The following SLC39A8 variants were observed in gnomAD, a reference collection of about 807,000 sequenced individuals.
The protein encoded by SLC39A8 is metal cation symporter ZIP8.
SLC39A8 carries 15 observed loss-of-function variants against 40.4 expected under a neutral mutation model. The ratio of observed to expected loss-of-function variants is 0.37; its 90% CI spans 0.25 to 0.57. The LOEUF is 0.57. SLC39A8 is among the 20% of genes least tolerant of loss of function. The pLI is 0.75. For synonymous variants in SLC39A8, 223 were observed against 221.6 expected, an observed-to-expected ratio of 1.01 and a Z score of -0.06; for missense variants, 472 against 558.8, an observed-to-expected ratio of 0.84 and a Z score of 1.57.
intron 6 of SLC39A8, among the ~76,000 whole-genome samples, chr4:102,273,686 A>T (rs1234345770): frequency 6.6e-6 from 1 of 152,180 alleles, no homozygotes; most frequent in Non-Finnish European, 1.5e-5. Context: ...CAGACACTTC[A>T]TACAGAAGGG....
At chr4:102,272,176 A>G (rs1732391480) in intron 6 of SLC39A8, among the ~76,000 whole-genome samples, 1 of 152,044 alleles carries the variant, frequency 6.6e-6, no homozygotes, top group Non-Finnish European at 1.5e-5. Context: ...CGTCTATACA[A>G]AAAATATATT....
At chr4:102,316,194 T>G (rs1734649631) in intron 2 of SLC39A8, among the ~76,000 whole-genome samples, 1 of 152,164 alleles carries the variant, frequency 6.6e-6, no homozygotes, top group African/African-American at 2.4e-5. Context: ...TAGTTTACTT[T>G]TCTTCAGTTT....
chr4:102,337,711 A>G (rs572087918), intron 2 of SLC39A8, among the ~76,000 whole-genome samples: 1 of 152,330 alleles, frequency 6.6e-6, no homozygotes, highest in South Asian at 2.1e-4. Context: ...CTAAACCGCC[A>G]GAAGAGACAG....
intron 2 of SLC39A8, among the ~76,000 whole-genome samples, chr4:102,326,707 C>T (rs79630137): frequency 0.017 from 2,511 of 152,166 alleles, 72 homozygotes; most frequent in African/African-American, 0.057. Context: ...TTGGTATTCT[C>T]AATAATTTTT....
intron 6 of SLC39A8, among the ~76,000 whole-genome samples, chr4:102,284,506 T>A (rs1733065486): frequency 6.6e-6 from 1 of 152,102 alleles, no homozygotes; most frequent in Non-Finnish European, 1.5e-5. Flanking sequence ...AGAAAATAAA[T>A]GATGAAATGA....
chr4:102,297,486 T>C (rs1733726972), intron 6 of SLC39A8, among the ~76,000 whole-genome samples: 1 of 152,080 alleles, frequency 6.6e-6, no homozygotes. Flanking sequence ...TAGCCAATCT[T>C]TAGAAAAGTT....
chr4:102,343,575 G>A (rs1484274258), intron 2 of SLC39A8, among the ~76,000 whole-genome samples: 1 of 152,168 alleles, frequency 6.6e-6, no homozygotes, highest in Non-Finnish European at 1.5e-5. Flanking sequence ...TTTAAAAGAC[G>A]GAGAGCAGTT....
chr4:102,260,973 A>G (rs1158794675), downstream of SLC39A8, among the ~76,000 whole-genome samples: 1 of 152,226 alleles, frequency 6.6e-6, no homozygotes, highest in East Asian at 1.9e-4. Context: ...AGAAGCTGGA[A>G]ATTCCCAATG....
chr4:102,301,018 A>G (rs895710663), intron 6 of SLC39A8, among the ~76,000 whole-genome samples: 1 of 152,026 alleles, frequency 6.6e-6, no homozygotes, highest in Non-Finnish European at 1.5e-5. Context: ...AATAGTCCCC[A>G]TAAGAAATTA....
intron 2 of SLC39A8, among the ~76,000 whole-genome samples, chr4:102,336,236 T>G (rs1276302242): frequency 6.6e-6 from 1 of 152,200 alleles, no homozygotes; most frequent in Non-Finnish European, 1.5e-5. Flanking sequence ...CAAAAAACTG[T>G]CCTATGAGTA....
chr4:102,261,504 G>T (rs17032332), downstream of SLC39A8, among the ~76,000 whole-genome samples: 44,019 of 152,040 alleles, frequency 0.29, 6,457 homozygotes, highest in East Asian at 0.4. Flanking sequence ...TCGACTCTTG[G>T]GTTGGCCATG....
At chr4:102,316,299 C>T (rs535383200) in intron 2 of SLC39A8, among the ~76,000 whole-genome samples, 5 of 152,072 alleles carry the variant, frequency 3.3e-5, no homozygotes, top group Non-Finnish European at 7.4e-5. Context: ...TAAGAAATTC[C>T]TCTCTTCTCT....
intron 6 of SLC39A8, among the ~76,000 whole-genome samples, chr4:102,285,032 A>C (rs901271730): frequency 6.6e-5 from 10 of 152,176 alleles, no homozygotes; most frequent in African/African-American, 2.4e-4. Context: ...AAGTTGGTAT[A>C]AAGGTTCGAT....
intron 2 of SLC39A8, among the ~76,000 whole-genome samples, chr4:102,328,374 A>C (rs1317408034): frequency 6.6e-6 from 1 of 152,036 alleles, no homozygotes; most frequent in Non-Finnish European, 1.5e-5. Flanking sequence ...GGCAACAAAA[A>C]ATGGAATTGC....
chr4:102,326,898 T>C (rs542974167), intron 2 of SLC39A8, among the ~76,000 whole-genome samples: 3 of 152,286 alleles, frequency 2.0e-5, no homozygotes, highest in African/African-American at 7.2e-5. Flanking sequence ...TTTCTACTGA[T>C]GCATCACCCA....
intron 6 of SLC39A8, among the ~76,000 whole-genome samples, chr4:102,272,503 C>T (rs74665237): frequency 0.075 from 11,461 of 151,934 alleles, 611 homozygotes; most frequent in South Asian, 0.15. Flanking sequence ...CCCAGCTACT[C>T]GAAAGGCTGA....
intron 2 of SLC39A8, among the ~76,000 whole-genome samples, chr4:102,320,163 A>T (rs1734843577): frequency 1.4e-5 from 1 of 73,926 alleles, no homozygotes; most frequent in South Asian, 3.1e-4. Context: ...TCTCATATAT[A>T]TATACATATA....
intron 6 of SLC39A8, among the ~76,000 whole-genome samples, chr4:102,277,644 T>A (rs1732681471): frequency 1.3e-5 from 2 of 152,156 alleles, no homozygotes; most frequent in Admixed American, 1.3e-4. Flanking sequence ...ACTTTAAATT[T>A]CTTATAGAAC....
At chr4:102,270,258 GAAATT>G (rs1284699148) in intron 6 of SLC39A8, among the ~76,000 whole-genome samples, 4 of 152,094 alleles carry the variant, frequency 2.6e-5, no homozygotes, top group Non-Finnish European at 4.4e-5. Context: ...TTTTACAGAA[GAAATT>G]AAATTAATAT....
Sources: allele counts gnomAD v4.1 joint callset (sites outside exome capture counted in the v4.1 genomes callset), GRCh38; gene constraint gnomAD v4.1.1; transcripts MANE v1.5; gene names NCBI Gene and HGNC (gene_info 2026-07-23, HGNC 2026-07-21).